CUL1: variants seen among roughly 807,000 people sequenced by gnomAD.
CUL1 encodes the protein cullin 1, also known as cullin-1.
Under a neutral mutation model 118.0 loss-of-function variants are expected in CUL1, and 24 were observed. The ratio of observed to expected loss-of-function variants is 0.20; its 90% CI spans 0.15 to 0.29. CUL1 has a LOEUF of 0.29. CUL1 is among the 10% of genes least tolerant of loss of function. The pLI, the probability that CUL1 is intolerant of heterozygous loss-of-function variation, is 1.00. For missense variants in CUL1, 361 were observed against 933.8 expected (o/e 0.39, Z 7.99); for synonymous variants, 332 against 340.4 (o/e 0.98, Z 0.27).
Position 148,760,570 on chromosome 7 carries a change from A to G in CUL1, c.789+74A>G, listed in dbSNP as rs1313347012. The G allele has an allele frequency of 4.7e-6, 5 of 1,065,596 alleles. No individual in the cohort carries two copies. The East Asian group carries it at 1.3e-4, about 27-fold the overall frequency. The allele number at this position is 1,065,596 out of a possible 1,614,324, so 66.0% of individuals were successfully genotyped here. ...TACTCAAGTGAGTTCTTTTTAGCATATACAGCTTTCTTTACAAGTCATTTG... is the reference window on the plus strand; with the variant it reads ...TACTCAAGTGAGTTCTTTTTAGCATGTACAGCTTTCTTTACAAGTCATTTG... On this transcript the variant is annotated intron_variant, in intron 7 of 21. Coordinates refer to ENST00000325222, the MANE Select transcript of CUL1 (RefSeq NM_003592.3).
At chr7:148,705,259 T>C (rs1195235255) in intron 1 of CUL1, among the ~76,000 whole-genome samples, 1 of 152,230 alleles carries the variant, frequency 6.6e-6, no homozygotes, top group Non-Finnish European at 1.5e-5. Flanking sequence ...TTAGTAATAG[T>C]GTGAACTTTT....
intron 17 of CUL1, 32 bp downstream of exon 17, chr7:148,792,850 G>A: frequency 6.6e-7 from 1 of 1,504,400 alleles, no homozygotes; most frequent in South Asian, 1.2e-5. Flanking sequence ...TGTTCTATCA[G>A]CTTGCCGTTT....
At chr7:148,700,457 A>T (rs540297904) in intron 1 of CUL1, among the ~76,000 whole-genome samples, 1 of 152,356 alleles carries the variant, frequency 6.6e-6, no homozygotes, top group South Asian at 2.1e-4. Flanking sequence ...ATATGTAATG[A>T]TGTTTAAAAT....
intron 1 of CUL1, among the ~76,000 whole-genome samples, chr7:148,713,647 A>C (rs1357673045): frequency 6.6e-6 from 1 of 152,202 alleles, no homozygotes; most frequent in Non-Finnish European, 1.5e-5. Flanking sequence ...CTGGGTAATG[A>C]TATGTGAGAA....
chr7:148,757,006 G>A lies in CUL1; in HGVS notation c.339G>A (p.Glu113=), dbSNP rs756891241. 3.7e-6 allele frequency: 6 copies of A among 1,601,894 alleles called. No homozygotes were observed. Among genetic ancestry groups the A allele is most frequent in the African/African-American group, 1.3e-5 (1 of 74,544 alleles). ...AGGATGGAGAAGATTTGATGGATGA[G>A]AGTGTACTGAAATTCTACACTCAAC... is the stretch of plus-strand genomic sequence containing the variant. ...LLKDGEDLMD[E]SVLKFYTQQW... is the part of the protein sequence containing the mutation. Residue 113 remains glutamate, a synonymous_variant, in exon 4 of 22, where the codon GAG becomes GAA. Coordinates refer to ENST00000325222, the MANE Select transcript of CUL1 (RefSeq NM_003592.3).
chr7:148,756,629 A>G (rs1437239690), intron 3 of CUL1, among the ~76,000 whole-genome samples: 1 of 152,068 alleles, frequency 6.6e-6, no homozygotes, highest in East Asian at 1.9e-4. Context: ...GAGCCACTGT[A>G]CCCAGCCAAT....
intron 2 of CUL1, among the ~76,000 whole-genome samples, chr7:148,747,514 G>T (rs1039439457): frequency 1.3e-5 from 2 of 152,172 alleles, no homozygotes; most frequent in Non-Finnish European, 2.9e-5. Flanking sequence ...CTTACACCTG[G>T]CTGGGAGGGG....
rs1798706259 is a variant in CUL1, at chr7:148,730,066, C to CT, written c.-56dup. ...CTGTATATTTTCATCTAATGGAGAA[C>CT]TAGCTGTACTTTGAATAAGGATTGC... On this transcript the variant is annotated 5_prime_UTR_variant, in exon 2 of 22. An upstream open reading frame in the 5' UTR loses its in-frame stop. Coordinates refer to ENST00000325222, the MANE Select transcript of CUL1 (RefSeq NM_003592.3). 1.8e-5 allele frequency: 28 copies of CT among 1,560,408 alleles called. No individual in the cohort carries two copies. In the South Asian group the frequency reaches 3.4e-4, roughly 19 times the overall value.
rs775701298 is a variant in CUL1, at chr7:148,800,461, TTC to T, written c.2251-37_2251-36del. ...GTTCTGATGATAATTTGTGTTTTTC[TTC>T]TCTTTCACTACCTCTTCCTTTTTAA... is the stretch of plus-strand genomic sequence containing the variant. On this transcript the variant is annotated intron_variant, in intron 21 of 21. Transcript: ENST00000325222. The surrounding 1 kb of genome is among the most constrained non-coding windows in gnomAD (Gnocchi z 4.6). 1 of 1,532,220 alleles carries T rather than the reference TTC, an allele frequency of 6.5e-7. No individual in the cohort carries two copies. The highest frequency in any genetic ancestry group is 9.0e-7 in the Non-Finnish European group (1 of 1,106,264). The allele number at this position is 1,532,220 out of a possible 1,614,324, so 94.9% of individuals were successfully genotyped here. A position where few individuals can be genotyped will look rare whatever the true frequency, so the allele number is the denominator to read the frequency against.
At chr7:148,705,070 G>T (rs879267953) in intron 1 of CUL1, among the ~76,000 whole-genome samples, 2 of 152,104 alleles carry the variant, frequency 1.3e-5, no homozygotes, top group Non-Finnish European at 2.9e-5. Context: ...TCCTTTGCTG[G>T]ACTAATCTTC....
rs772237633 is a variant in CUL1, at chr7:148,783,993, A to G, written c.1214A>G (p.Asn405Ser). ...LDKACGRFIN[N>S]NAVTKMAQSS... ...CAGGCTTGTGGTCGCTTCATAAACA[A>G]CAACGCGGTTACCAAGATGGCCCAA... Residue 405 changes from asparagine to serine, a missense_variant, in exon 11 of 22, where the codon AAC becomes AGC. Transcript: ENST00000325222. 1.2e-6 allele frequency: 2 copies of G among 1,614,076 alleles called. No individual in the cohort carries two copies. The highest frequency in any genetic ancestry group is 1.3e-5 in the African/African-American group (1 of 74,924).
intron 2 of CUL1, among the ~76,000 whole-genome samples, chr7:148,730,513 T>G (rs1381514278): frequency 6.6e-6 from 1 of 152,166 alleles, no homozygotes; most frequent in Non-Finnish European, 1.5e-5. Flanking sequence ...TTAAAGTTCC[T>G]TAGGCACACT....
At chr7:148,776,291 GTCTAACATAACCAGGCTTT>G (rs1800392761) in intron 9 of CUL1, among the ~76,000 whole-genome samples, 1 of 115,454 alleles carries the variant, frequency 8.7e-6, no homozygotes, top group African/African-American at 3.3e-5. Context: ...TCATTTTGGA[GTCTAACATAACCAGGCTTT>G]TTTTTTTTTT....
chr7:148,733,259 A>G (rs557279686), intron 2 of CUL1, among the ~76,000 whole-genome samples: 7 of 152,334 alleles, frequency 4.6e-5, no homozygotes, highest in African/African-American at 1.2e-4. Flanking sequence ...TAACTCTTCA[A>G]TGTATTAGGG....
At chr7:148,798,101 C>T in intron 19 of CUL1, 82 bp downstream of exon 19, 2 of 804,470 alleles carry the variant, frequency 2.5e-6, no homozygotes, top group Non-Finnish European at 4.0e-6. Flanking sequence ...AGTATTGTTA[C>T]AAACCAAGGG....
intron 4 of CUL1, among the ~76,000 whole-genome samples, chr7:148,757,879 A>G (rs750921242): frequency 3.7e-4 from 56 of 152,316 alleles, no homozygotes; most frequent in Non-Finnish European, 6.8e-4. Context: ...TCGTGAGACT[A>G]TTCACTACTA....
intron 9 of CUL1, among the ~76,000 whole-genome samples, chr7:148,780,039 C>G (rs905805248): frequency 6.6e-6 from 1 of 152,216 alleles, no homozygotes; most frequent in East Asian, 1.9e-4. Flanking sequence ...GACTGGCTCT[C>G]CTTGCTCCTC....
chr7:148,790,472 C>G, intron 16 of CUL1, 31 bp downstream of exon 16: 1 of 1,590,186 alleles, frequency 6.3e-7, no homozygotes, highest in Non-Finnish European at 8.6e-7. Flanking sequence ...TAAAATTTTT[C>G]TATTCTAAAT....
chr7:148,799,120 C>T (rs1421482203), intron 20 of CUL1, among the ~76,000 whole-genome samples, 155 bp from the exon 21 acceptor site: 3 of 152,004 alleles, frequency 2.0e-5, no homozygotes, highest in Non-Finnish European at 1.5e-5. Flanking sequence ...GAATTGGTTC[C>T]CTCTCCCGTC....
Sources: gnomAD v4.1 joint callset for allele counts (sites outside exome capture counted in the v4.1 genomes callset) on GRCh38, gnomAD v4.1.1 for gene constraint, Gnocchi (gnomAD v3.1) non-coding constraint, MANE v1.5 for transcripts, NCBI Gene and HGNC (gene_info 2026-07-23, HGNC 2026-07-21) for gene names.